LRIG1: variants seen among roughly 807,000 people sequenced by gnomAD.
LRIG1 encodes the protein leucine-rich repeats and immunoglobulin-like domains protein 1.
A neutral mutation model predicts 99.2 loss-of-function variants in LRIG1; 48 were observed. The ratio of observed to expected loss-of-function variants is 0.48; its 90% confidence interval spans 0.38 to 0.62. The LOEUF is 0.62. Among genes scored for constraint, LRIG1 ranks in the 20% least tolerant of loss-of-function variants. LRIG1 has a pLI of 0.00. For synonymous variants in LRIG1, 772 were observed against 596.1 expected (o/e 1.29, Z -4.30); for missense variants, 1,646 against 1,434.4 (o/e 1.15, Z -2.38).
chr3:66,462,882 G>C (rs919306717), intron 1 of LRIG1, among the ~76,000 whole-genome samples: 2 of 152,064 alleles, frequency 1.3e-5, no homozygotes, highest in Non-Finnish European at 2.9e-5. Context: ...TTAAATTAAT[G>C]TTTTAGTAGC....
intron 3 of LRIG1, among the ~76,000 whole-genome samples, chr3:66,425,904 T>C (rs1426974990): frequency 6.6e-6 from 1 of 152,230 alleles, no homozygotes; most frequent in East Asian, 1.9e-4. Context: ...GTTGGCTACA[T>C]TTTCAGAGCT....
intron 3 of LRIG1, among the ~76,000 whole-genome samples, chr3:66,450,339 T>C (rs1246983163): frequency 6.6e-6 from 1 of 152,138 alleles, no homozygotes; most frequent in Non-Finnish European, 1.5e-5. Flanking sequence ...TCCCACAGAA[T>C]GCTGGGAGCT....
intron 13 of LRIG1, among the ~76,000 whole-genome samples, chr3:66,385,641 C>T (rs552936274): frequency 1.6e-4 from 24 of 152,174 alleles, no homozygotes; most frequent in African/African-American, 2.9e-4. Context: ...TTAGTAGAGA[C>T]GGGGTTTCAC....
chr3:66,407,625 A>C, intron 7 of LRIG1, 134 bp from the exon 8 acceptor site: 10 of 856,128 alleles, frequency 1.2e-5, no homozygotes, highest in Non-Finnish European at 1.8e-5. Context: ...GCGTGCGTGC[A>C]CACACACACC....
intron 3 of LRIG1, among the ~76,000 whole-genome samples, chr3:66,423,836 A>G (rs565828180): frequency 1.3e-5 from 2 of 152,216 alleles, no homozygotes; most frequent in Non-Finnish European, 2.9e-5. Flanking sequence ...TGAAGTTCAT[A>G]TGCCCCATGG....
intron 1 of LRIG1, among the ~76,000 whole-genome samples, chr3:66,479,563 T>C (rs1700801072): frequency 6.6e-6 from 1 of 152,214 alleles, no homozygotes; most frequent in African/African-American, 2.4e-5. Flanking sequence ...GAAATTGTAC[T>C]TTCTAAACAT....
At chr3:66,425,975 C>T (rs1702970523) in intron 3 of LRIG1, among the ~76,000 whole-genome samples, 1 of 152,170 alleles carries the variant, frequency 6.6e-6, no homozygotes, top group Non-Finnish European at 1.5e-5. Context: ...AAAACTTTTT[C>T]TCATAAGTGA....
intron 14 of LRIG1, 136 bp from the exon 15 acceptor site, chr3:66,383,537 G>A: frequency 1.2e-6 from 1 of 802,308 alleles, no homozygotes. Context: ...GGCAAGCTTT[G>A]GAGAAGACCC....
At chr3:66,414,239 T>C (rs183842926) in intron 5 of LRIG1, among the ~76,000 whole-genome samples, 29 of 151,960 alleles carry the variant, frequency 1.9e-4, no homozygotes, top group African/African-American at 6.3e-4. Context: ...CTACTAAAAA[T>C]ACAAAAAATT....
Position 66,380,103 on chromosome 3 carries a change from T to C in LRIG1, c.*160A>G. The stretch of plus-strand genomic sequence containing the variant: ...TTTGTACACAAATCCCCTCTTGCGT[T>C]TACTGTGCTTCAGATCCAAGTCCTG... On this transcript the variant is annotated 3_prime_UTR_variant, in exon 19 of 19. Coordinates refer to ENST00000273261, the MANE Select transcript of LRIG1 (RefSeq NM_015541.3). The C allele has an allele frequency of 1.7e-6, 1 of 593,942 alleles. No individual in the cohort carries two copies. The highest frequency in any genetic ancestry group is 2.5e-5 in the South Asian group (1 of 40,136). The allele number at this position is 593,942 out of a possible 1,614,324, so 36.8% of individuals were successfully genotyped here.
chr3:66,387,433 A>G (rs1490237577), intron 12 of LRIG1: 1 of 152,114 alleles, frequency 6.6e-6, no homozygotes, highest in Non-Finnish European at 1.5e-5. Context: ...GATAGGAGAC[A>G]GTGGTTGTGG....
intron 3 of LRIG1, among the ~76,000 whole-genome samples, chr3:66,438,409 T>C (rs1204007643): frequency 1.3e-5 from 2 of 152,136 alleles, no homozygotes; most frequent in Non-Finnish European, 2.9e-5. Context: ...GAAGCAGCCA[T>C]GTGTGTTTTT....
chr3:66,425,234 T>C (rs920031094), intron 3 of LRIG1, among the ~76,000 whole-genome samples: 3 of 152,188 alleles, frequency 2.0e-5, no homozygotes, highest in African/African-American at 7.2e-5. Context: ...CTGGCCCAGA[T>C]TCCACCCATA....
intron 3 of LRIG1, among the ~76,000 whole-genome samples, chr3:66,432,720 A>G (rs1305376097): frequency 6.6e-6 from 1 of 152,166 alleles, no homozygotes; most frequent in Non-Finnish European, 1.5e-5. Context: ...CTGCCTCACC[A>G]GGGAAGCGGG....
chr3:66,417,396 C>G, intron 3 of LRIG1, 130 bp from the exon 4 acceptor site: 1 of 955,918 alleles, frequency 1.0e-6, no homozygotes, highest in Non-Finnish European at 1.6e-6. Context: ...ATGAGATCTC[C>G]TGTTTCTTTT....
chr3:66,414,328 C>T (rs775899992), intron 5 of LRIG1, among the ~76,000 whole-genome samples: 2 of 151,752 alleles, frequency 1.3e-5, no homozygotes, highest in Non-Finnish European at 2.9e-5. Flanking sequence ...ACCCCGGGGG[C>T]GGAGCTTGCA....
chr3:66,381,554 C>G lies in LRIG1; in HGVS notation c.2695G>C (p.Ala899Pro). 1.2e-6 allele frequency: 2 copies of G among 1,614,128 alleles called. No homozygotes were observed. The highest frequency in any genetic ancestry group is 1.7e-6 in the Non-Finnish European group (2 of 1,180,002). ...GGCTCTTTGTGATACGCAGACCCAGCACAGAGCTTTGGCTGCCTGCAGGCA... is the reference window on the plus strand; with the variant it reads ...GGCTCTTTGTGATACGCAGACCCAGGACAGAGCTTTGGCTGCCTGCAGGCA... Reference protein sequence around the residue: ...SVACRQPKLCAGSAYHKEPWK... With the variant: ...SVACRQPKLCPGSAYHKEPWK... The change falls in exon 17 of 19, where the codon GCT becomes CCT. Residue 899 changes from alanine to proline, a missense_variant. Coordinates refer to ENST00000273261, the MANE Select transcript of LRIG1 (RefSeq NM_015541.3).
At chr3:66,442,178 G>A (rs943100332) in intron 3 of LRIG1, among the ~76,000 whole-genome samples, 5 of 152,184 alleles carry the variant, frequency 3.3e-5, no homozygotes, top group African/African-American at 4.8e-5. Flanking sequence ...TAAACAAGCA[G>A]GGGGAATCCA....
At chr3:66,497,309 A>C (rs1249191544) in intron 1 of LRIG1, among the ~76,000 whole-genome samples, 1 of 152,218 alleles carries the variant, frequency 6.6e-6, no homozygotes, top group South Asian at 2.1e-4. Context: ...AGTCTAAGGT[A>C]AACTGTATTT....
Sources: gnomAD v4.1 joint callset for allele counts (sites outside exome capture counted in the v4.1 genomes callset) on GRCh38, gnomAD v4.1.1 for gene constraint, MANE v1.5 for transcripts, NCBI Gene and HGNC (gene_info 2026-07-23, HGNC 2026-07-21) for gene names.